Variants in ALG10 observed in about 807,000 individuals in gnomAD.
ALG10 encodes the protein ALG10 alpha-1,2-glucosyltransferase, also known as dol-P-Glc:Glc(2)Man(9)GlcNAc(2)-PP-Dol alpha-1,2-glucosyltransferase A.
A neutral mutation model predicts 39.2 loss-of-function variants in ALG10; 25 were observed. The observed-to-expected ratio is 0.64, with a 90% CI of 0.46 to 0.89. The LOEUF (loss-of-function observed/expected upper bound fraction) is 0.89. Among genes scored for constraint, ALG10 ranks in the 40% least tolerant of loss-of-function variants. The pLI, the probability that ALG10 is intolerant of heterozygous loss-of-function variation, is 0.00. For synonymous variants in ALG10, 184 were observed against 193.9 expected (o/e 0.95, Z 0.42); for missense variants, 486 against 546.6 (o/e 0.89, Z 1.11).
chr12:34,022,972 C>G (rs1245623942), intron 1 of ALG10: 5 of 778,470 alleles, frequency 6.4e-6, no homozygotes, highest in Non-Finnish European at 9.8e-6. Context: ...CAGATCTGTC[C>G]TCCAGGAAGG....
At chr12:34,023,115 C>T (rs1461851750) in intron 1 of ALG10, 6 of 252,914 alleles carry the variant, frequency 2.4e-5, no homozygotes, top group Non-Finnish European at 3.8e-5. Context: ...AGAAAACTTT[C>T]CTTTAGCTCA....
Position 34,023,735 on chromosome 12 carries a change from T to C in ALG10, c.172-227T>C. 5 of 562,314 alleles carry C rather than the reference T, an allele frequency of 8.9e-6. No individual in the cohort carries two copies. The South Asian group carries it at 1.0e-4, about 12-fold the overall frequency. The allele number at this position is 562,314 out of a possible 1,614,324, so 34.8% of individuals were successfully genotyped here. ...TTGGAAAATAGAAATAGATTTTAAGTTGTTGTTGTTTATTGGTTGCTGCTA... is the reference window on the plus strand; with the variant it reads ...TTGGAAAATAGAAATAGATTTTAAGCTGTTGTTGTTTATTGGTTGCTGCTA... On this transcript the variant is annotated intron_variant, in intron 1 of 2. Coordinates refer to ENST00000266483, the MANE Select transcript of ALG10 (RefSeq NM_032834.4).
rs1942830868 is a variant in ALG10 at position 34,026,202 on chromosome 12, C to G, written c.709C>G (p.Leu237Val). 1.2e-6 allele frequency: 2 copies of G among 1,614,068 alleles called. No individual in the cohort carries two copies. Among genetic ancestry groups the G allele is most frequent in the Non-Finnish European group, 1.7e-6 (2 of 1,179,962 alleles). The change falls in exon 3 of 3, where the codon CTT (leucine) becomes GTT (valine). Residue 237 changes from leucine to valine, a missense_variant. Transcript: ENST00000266483. ...FAEFRKILQF[L>V]LAYSMSFKNL... is the part of the protein sequence containing the mutation. Reference sequence around the variant, plus strand: ...AGAATTCAGAAAAATTCTTCAGTTTCTTTTGGCTTATTCCATGTCCTTTAA... The same window carrying G: ...AGAATTCAGAAAAATTCTTCAGTTTGTTTTGGCTTATTCCATGTCCTTTAA...
chr12:34,025,995 C>T lies in ALG10; in HGVS notation c.502C>T (p.Leu168Phe). Reference protein sequence around the residue: ...FFTLFAYLMCLYGNHKTSAFL... With the variant: ...FFTLFAYLMCFYGNHKTSAFL... ...TACTCTTTTTGCGTATTTGATGTGT[C>T]TTTATGGAAATCATAAAACTTCAGC... The change falls in exon 3 of 3, where the codon CTT becomes TTT. Residue 168 changes from leucine (L) to phenylalanine (F), a missense_variant. Transcript: ENST00000266483. 1 of 1,613,972 alleles carries T rather than the reference C, an allele frequency of 6.2e-7. No individual in the cohort carries two copies. Among genetic ancestry groups the T allele is most frequent in the Non-Finnish European group, 8.5e-7 (1 of 1,179,936 alleles).
chr12:34,022,696 G>C lies in ALG10; in HGVS notation c.97G>C (p.Glu33Gln). 6.2e-7 allele frequency: 1 copy of C among 1,614,098 alleles called. No individual in the cohort carries two copies. The highest frequency in any genetic ancestry group is 8.5e-7 in the Non-Finnish European group (1 of 1,180,012). The change falls in exon 1 of 3, where the codon GAG (glutamate) becomes CAG (glutamine). Residue 33 changes from glutamate to glutamine, a missense_variant. By Grantham distance (29) the Glu-to-Gln change is conservative. Coordinates refer to ENST00000266483, the MANE Select transcript of ALG10 (RefSeq NM_032834.4). ...CTCCGCCTTCAGCCGGGCGTTGCGA[G>C]AGCCCTACATGGACGAGATCTTCCA... ...LFSAFSRALR[E>Q]PYMDEIFHLP...
At position 34,027,710 on chromosome 12, in the gene ALG10, C is replaced by T. The variant is rs1565604052; in HGVS notation, c.*795C>T. ...TGACGACAAACTTGGGTGCTTACAA[C>T]AATTTTCCTCACAGTCTGGAGGCCA... On this transcript the variant is annotated 3_prime_UTR_variant, in exon 3 of 3. Coordinates refer to ENST00000266483, the MANE Select transcript of ALG10 (RefSeq NM_032834.4). 6.6e-6 allele frequency: 1 copy of T among 152,116 alleles called. No homozygotes were observed. The highest frequency in any genetic ancestry group is 1.5e-5 in the Non-Finnish European group (1 of 68,018). 9.4% of individuals were successfully genotyped at this position (152,116 alleles called of 1,614,324 possible).
Position 34,024,130 on chromosome 12 carries a change from C to G in ALG10, c.340C>G (p.Leu114Val), listed in dbSNP as rs768435756. The change falls in exon 2 of 3, where the codon CTT (leucine) becomes GTT (valine). Residue 114 changes from leucine (L) to valine (V), a missense_variant. Physicochemically the swap from Leu to Val is conservative, Grantham distance 32. Transcript: ENST00000266483. ...TGGCAACTTCTATTTACTATATTTGCTTTTCTGCAAGGTACAACCCAGAAA... is the reference window on the plus strand; with the variant it reads ...TGGCAACTTCTATTTACTATATTTGGTTTTCTGCAAGGTACAACCCAGAAA... ...SVGNFYLLYLLFCKVQPRNKA... is the reference protein window; with the variant it reads ...SVGNFYLLYLVFCKVQPRNKA... 1 of 1,613,988 alleles carries G rather than the reference C, an allele frequency of 6.2e-7. No individual in the cohort carries two copies. The highest frequency in any genetic ancestry group is 8.5e-7 in the Non-Finnish European group (1 of 1,180,018).
chr12:34,026,821 G>C lies in ALG10; in HGVS notation c.1328G>C (p.Cys443Ser), dbSNP rs1485827183. 1 of 1,613,950 alleles carries C rather than the reference G, an allele frequency of 6.2e-7. No individual in the cohort carries two copies. The highest frequency in any genetic ancestry group is 1.1e-5 in the South Asian group (1 of 91,076). ...TCCAGACTCATTTGTGAACTGAGCT[G>C]CTATGCAGTTGTTAATTTCATAACT... is the stretch of plus-strand genomic sequence containing the variant. ...PTSRLICELS[C>S]YAVVNFITFF... Residue 443 changes from cysteine (C) to serine (S), a missense_variant, in exon 3 of 3, where the codon TGC becomes TCC. Coordinates refer to ENST00000266483, the MANE Select transcript of ALG10 (RefSeq NM_032834.4).
At chr12:34,023,019 C>G (rs11053059) in intron 1 of ALG10, 93,172 of 535,788 alleles carry the variant, frequency 0.17, 8,655 homozygotes, top group Non-Finnish European at 0.19. Flanking sequence ...GAACTGAGCC[C>G]TCCTCTTGGC....
chr12:34,025,426 T>G (rs1441715534), intron 2 of ALG10, among the ~76,000 whole-genome samples: 1 of 152,182 alleles, frequency 6.6e-6, no homozygotes, highest in African/African-American at 2.4e-5. Context: ...TGTAGAGTTA[T>G]GAAGGATTTC....
Position 34,026,409 on chromosome 12 carries a change from C to G in ALG10, c.916C>G (p.Leu306Val), listed in dbSNP as rs1340157711. The change falls in exon 3 of 3, where the codon CTC (leucine) becomes GTC (valine). Residue 306 changes from leucine (L) to valine (V), a missense_variant. By Grantham distance (32) the Leu-to-Val change is conservative (BLOSUM62 1). Transcript: ENST00000266483. ...SFTLFFSFPH[L>V]LSPSKIKTFL... is the part of the protein sequence containing the mutation. ...TACTCTCTTTTTTTCCTTTCCTCATCTCCTGTCTCCTAGCAAAATTAAGAC... is the reference window on the plus strand; with the variant it reads ...TACTCTCTTTTTTTCCTTTCCTCATGTCCTGTCTCCTAGCAAAATTAAGAC... 6.2e-7 allele frequency: 1 copy of G among 1,613,788 alleles called. No homozygotes were observed. The highest frequency in any genetic ancestry group is 1.7e-5 in the Admixed American group (1 of 59,964).
In ALG10 at chr12:34,026,104, A is replaced by G. The variant is rs759341957; in HGVS notation, c.611A>G (p.Lys204Arg). ...TGTGCAGGAAATGTCATTGCACAAA[A>G]GTTAACGGAGGCTTGGAAAACTGAG... ...VFCAGNVIAQ[K>R]LTEAWKTELQ... is the part of the protein sequence containing the mutation. Residue 204 changes from lysine (K) to arginine (R), a missense_variant, in exon 3 of 3, where the codon AAG becomes AGG. Transcript: ENST00000266483. The G allele has an allele frequency of 6.2e-6, 10 of 1,614,128 alleles. No homozygotes were observed. The East Asian group carries it at 2.2e-4, about 36-fold the overall frequency.
At chr12:34,024,736 A>G (rs1942813247) in intron 2 of ALG10, among the ~76,000 whole-genome samples, 1 of 152,244 alleles carries the variant, frequency 6.6e-6, no homozygotes, top group African/African-American at 2.4e-5. Context: ...GAACAGTGCC[A>G]GAGATATAGT....
At chr12:34,024,382 T>G (rs1219232991) in intron 2 of ALG10, among the ~76,000 whole-genome samples, 1 of 151,408 alleles carries the variant, frequency 6.6e-6, no homozygotes, top group Non-Finnish European at 1.5e-5. Flanking sequence ...AAATATTTGT[T>G]AAGTGAGTCA....
rs770344594 is a variant in ALG10, at chr12:34,026,591, T to C, written c.1098T>C (p.Tyr366=). 6.2e-7 allele frequency: 1 copy of C among 1,613,964 alleles called. No individual in the cohort carries two copies. The highest frequency in any genetic ancestry group is 8.5e-7 in the Non-Finnish European group (1 of 1,179,898). The part of the protein sequence containing the change: ...FYVWKRVFQR[Y]ETVKYLLVPA... ...TGTGGAAAAGAGTTTTTCAAAGATA[T>C]GAAACTGTAAAATATTTGTTAGTTC... Residue 366 remains tyrosine (Y), a synonymous_variant, in exon 3 of 3, where the codon TAT becomes TAC. Transcript: ENST00000266483.
intron 2 of ALG10, among the ~76,000 whole-genome samples, chr12:34,025,051 A>G (rs1173896830): frequency 2.0e-5 from 3 of 152,144 alleles, no homozygotes. Context: ...GTTGCAGGGA[A>G]TTGGTCTTGG....
Position 34,026,551 on chromosome 12 carries a change from A to G in ALG10, c.1058A>G (p.His353Arg), listed in dbSNP as rs1461604570. Residue 353 changes from histidine to arginine, a missense_variant, in exon 3 of 3, where the codon CAT (histidine) becomes CGT (arginine). Transcript: ENST00000266483. ...AHKYLLADNR[H>R]YTFYVWKRVF... The stretch of plus-strand genomic sequence containing the variant: ...AAATACTTGCTAGCAGACAATAGAC[A>G]TTATACTTTCTATGTGTGGAAAAGA... 1.2e-6 allele frequency: 2 copies of G among 1,613,746 alleles called. No individual in the cohort carries two copies. Among genetic ancestry groups the G allele is most frequent in the Non-Finnish European group, 1.7e-6 (2 of 1,179,844 alleles).
In ALG10 at chr12:34,026,039, C is replaced by A. The variant is rs376693739; in HGVS notation, c.546C>A (p.Gly182=). The A allele has an allele frequency of 6.2e-7, 1 of 1,613,886 alleles. No homozygotes were observed. The highest frequency in any genetic ancestry group is 1.3e-5 in the African/African-American group (1 of 74,912). Residue 182 remains glycine, a synonymous_variant, in exon 3 of 3, where the codon GGC becomes GGA. Transcript: ENST00000266483. ...HKTSAFLGFC[G]FMFRQTNIIW... ...CTTCAGCCTTCCTTGGATTTTGTGGCTTCATGTTTCGGCAAACAAATATCA... is the reference window on the plus strand; with the variant it reads ...CTTCAGCCTTCCTTGGATTTTGTGGATTCATGTTTCGGCAAACAAATATCA...
Position 34,026,554 on chromosome 12 carries a change from A to G in ALG10, c.1061A>G (p.Tyr354Cys), listed in dbSNP as rs1452606623. The change falls in exon 3 of 3, where the codon TAT (tyrosine) becomes TGT (cysteine). Residue 354 changes from tyrosine (Y) to cysteine (C), a missense_variant. By Grantham distance (194) the Tyr-to-Cys change is radical (BLOSUM62 -2). Transcript: ENST00000266483. Reference protein sequence around the residue: ...HKYLLADNRHYTFYVWKRVFQ... With the variant: ...HKYLLADNRHCTFYVWKRVFQ... ...TACTTGCTAGCAGACAATAGACATT[A>G]TACTTTCTATGTGTGGAAAAGAGTT... 1 of 1,613,742 alleles carries G rather than the reference A, an allele frequency of 6.2e-7. No individual in the cohort carries two copies. The highest frequency in any genetic ancestry group is 1.1e-5 in the South Asian group (1 of 91,018).
Sources: gnomAD v4.1 joint callset for allele counts (sites outside exome capture counted in the v4.1 genomes callset) on GRCh38, gnomAD v4.1.1 for gene constraint, MANE v1.5 for transcripts, NCBI Gene and HGNC (gene_info 2026-07-23, HGNC 2026-07-21) for gene names.